PTGFRN: variants seen among roughly 807,000 people sequenced by gnomAD.
PTGFRN encodes prostaglandin F2 receptor inhibitor.
Under a neutral mutation model 83.2 loss-of-function variants are expected in PTGFRN, and 35 were observed. The observed-to-expected ratio is 0.42, with a 90% CI of 0.32 to 0.56. PTGFRN has a LOEUF of 0.56. PTGFRN is among the 20% of genes least tolerant of loss of function. The pLI is 0.11. For synonymous variants in PTGFRN, 519 were observed against 498.6 expected, an observed-to-expected ratio of 1.04 and a Z score of -0.55; for missense variants, 1,051 against 1,179.5, an observed-to-expected ratio of 0.89 and a Z score of 1.60.
At chr1:116,919,340 A>G (rs952493303) in intron 1 of PTGFRN, among the ~76,000 whole-genome samples, 3 of 152,196 alleles carry the variant, frequency 2.0e-5, no homozygotes, top group Non-Finnish European at 4.4e-5. Flanking sequence ...TTTCCTTCCC[A>G]ATAAATTCCT....
intron 1 of PTGFRN, among the ~76,000 whole-genome samples, chr1:116,921,295 G>A (rs1649530704): frequency 1.3e-5 from 2 of 152,322 alleles, no homozygotes; most frequent in East Asian, 3.9e-4. Flanking sequence ...CTGATTTGGT[G>A]TCTGTCCAGT....
At chr1:116,986,214 G>A (rs1343758832) in intron 8 of PTGFRN, among the ~76,000 whole-genome samples, 1 of 152,152 alleles carries the variant, frequency 6.6e-6, no homozygotes, top group African/African-American at 2.4e-5. Flanking sequence ...AAGGAAGGTG[G>A]GATTTCAAGG....
rs985583837 is a variant in PTGFRN, at chr1:116,974,119, G to T, written c.2060-97G>T. On this transcript the variant is annotated intron_variant, in intron 6 of 8. Coordinates refer to ENST00000393203, the MANE Select transcript of PTGFRN (RefSeq NM_020440.4). ...GTGAGTTTCTAGACCAGTTCCCAGG[G>T]AAGAGAACCACATTTTGATGCCCCT... is the stretch of plus-strand genomic sequence containing the variant. The T allele has an allele frequency of 3.2e-6, 3 of 925,012 alleles. No individual in the cohort carries two copies. The African/African-American group carries it at 5.0e-5, about 15-fold the overall frequency. The allele number at this position is 925,012 out of a possible 1,614,324, so 57.3% of individuals were successfully genotyped here. A position where few individuals can be genotyped will look rare whatever the true frequency, so the allele number is the denominator to read the frequency against.
rs1310963879 is a variant in PTGFRN at position 116,923,941 on chromosome 1, GAC to G, written c.49+13699_49+13700del. On this transcript the variant is annotated intron_variant, in intron 1 of 8. Coordinates refer to ENST00000393203, the MANE Select transcript of PTGFRN (RefSeq NM_020440.4). The surrounding 1 kb of genome is among the most constrained non-coding windows in gnomAD (Gnocchi z 4.0). Reference sequence around the variant, plus strand: ...AGCAACCAGTCTAAATGTGGAGGATGACACACACACAGGAAGAGAGGTGGCAT... The same window carrying G: ...AGCAACCAGTCTAAATGTGGAGGATGACACACACAGGAAGAGAGGTGGCAT... 6.6e-6 allele frequency among the ~76,000 whole-genome samples: 1 copy of G among 152,088 alleles called. No homozygotes were observed. The highest frequency in any genetic ancestry group is 2.4e-5 in the African/African-American group (1 of 41,412).
chr1:116,910,509 A>C (rs960513582), intron 1 of PTGFRN, among the ~76,000 whole-genome samples: 1 of 151,596 alleles, frequency 6.6e-6, no homozygotes, highest in African/African-American at 2.4e-5. Flanking sequence ...CGCCCCCAAC[A>C]TGTGCCGGGG....
chr1:116,966,827 G>A, intron 5 of PTGFRN, 84 bp from the exon 6 acceptor site: 2 of 1,408,006 alleles, frequency 1.4e-6, no homozygotes, highest in Admixed American at 2.4e-5. Flanking sequence ...ATACATTTCT[G>A]TTTCTTGGTT....
intron 4 of PTGFRN, among the ~76,000 whole-genome samples, chr1:116,960,251 C>T (rs1205840710): frequency 6.6e-6 from 1 of 152,116 alleles, no homozygotes; most frequent in African/African-American, 2.4e-5. Context: ...ATCACAGTGG[C>T]GTGAGACTGT....
chr1:116,917,693 A>G (rs1037389690), intron 1 of PTGFRN, among the ~76,000 whole-genome samples: 8 of 152,294 alleles, frequency 5.3e-5, no homozygotes, highest in African/African-American at 1.9e-4. Context: ...ACAGTGGTGC[A>G]ATCACGGCTC....
chr1:116,984,422 C>T (rs915926409), intron 7 of PTGFRN, among the ~76,000 whole-genome samples: 1 of 152,142 alleles, frequency 6.6e-6, no homozygotes, highest in African/African-American at 2.4e-5. Context: ...GGCTCTGGAG[C>T]TGTACTCCCT....
chr1:116,953,095 G>A (rs1227445083), intron 4 of PTGFRN, among the ~76,000 whole-genome samples: 1 of 152,216 alleles, frequency 6.6e-6, no homozygotes, highest in Non-Finnish European at 1.5e-5. Flanking sequence ...CCAGACTTCT[G>A]TGGCGTTAAT....
At position 116,970,215 on chromosome 1, in the gene PTGFRN, A is replaced by G. The variant is rs902359822; in HGVS notation, c.2059+2885A>G. Among the ~76,000 whole-genome samples, 17 of 152,068 alleles carry G rather than the reference A, an allele frequency of 1.1e-4. 1 individual carries two copies. The highest frequency in any genetic ancestry group is 5.9e-4 in the Admixed American group (9 of 15,266). ...CGTTCAGTCTCATTCACCTTTAACTATCATGTTCACTGTGGGATTTTCATA... is the reference window on the plus strand; with the variant it reads ...CGTTCAGTCTCATTCACCTTTAACTGTCATGTTCACTGTGGGATTTTCATA... On this transcript the variant is annotated intron_variant, in intron 6 of 8. Transcript: ENST00000393203.
chr1:116,970,947 G>T (rs1334692287), intron 6 of PTGFRN, among the ~76,000 whole-genome samples: 1 of 152,154 alleles, frequency 6.6e-6, no homozygotes, highest in Non-Finnish European at 1.5e-5. Context: ...GAGGAAAATG[G>T]TATTTAAATA....
intron 7 of PTGFRN, among the ~76,000 whole-genome samples, chr1:116,980,794 T>G (rs1651296384): frequency 6.6e-6 from 1 of 152,160 alleles, no homozygotes; most frequent in African/African-American, 2.4e-5. Context: ...ACATGGCACA[T>G]GTATACATAT....
intron 7 of PTGFRN, among the ~76,000 whole-genome samples, chr1:116,980,372 A>T (rs1368976384): frequency 6.6e-6 from 1 of 152,002 alleles, no homozygotes; most frequent in Admixed American, 6.6e-5. Context: ...GGGTCAAAGG[A>T]TTATAAATAA....
intron 7 of PTGFRN, among the ~76,000 whole-genome samples, chr1:116,981,505 G>A (rs1651318102): frequency 6.6e-6 from 1 of 152,212 alleles, no homozygotes; most frequent in African/African-American, 2.4e-5. Context: ...AAGGGCGGTG[G>A]CCTGCAGTGA....
At chr1:116,942,178 G>A in intron 2 of PTGFRN, 95 bp downstream of exon 2, 1 of 1,444,100 alleles carries the variant, frequency 6.9e-7, no homozygotes, top group Non-Finnish European at 9.3e-7. Context: ...ATTTCTCTGA[G>A]GCTCTGCTCC....
rs150223848 is a variant in PTGFRN, at chr1:116,958,977, C to T, written c.1214-2266C>T. Among the ~76,000 whole-genome samples the T allele has an allele frequency of 4.8e-4, 73 of 152,340 alleles. No homozygotes were observed. The Middle Eastern group carries it at 0.017, about 35-fold the overall frequency. On this transcript the variant is annotated intron_variant, in intron 4 of 8. Coordinates refer to ENST00000393203, the MANE Select transcript of PTGFRN (RefSeq NM_020440.4). This position sits in a 1 kb window ranked among gnomAD's most constrained non-coding sequence, Gnocchi z 4.9. Reference sequence around the variant, plus strand: ...ATAGTTGATGCTCAGTGTTCTGGGGCAGTCTTACCCTATGCACAGCTGGTG... The same window carrying T: ...ATAGTTGATGCTCAGTGTTCTGGGGTAGTCTTACCCTATGCACAGCTGGTG...
chr1:116,969,123 T>TG (rs1204084723), intron 6 of PTGFRN, among the ~76,000 whole-genome samples: 2 of 105,786 alleles, frequency 1.9e-5, no homozygotes, highest in African/African-American at 6.7e-5. Context: ...TTTATCTGTT[T>TG]TTTTTTTTTT....
chr1:116,964,541 CT>C (rs773649528), intron 5 of PTGFRN, among the ~76,000 whole-genome samples: 17 of 152,168 alleles, frequency 1.1e-4, no homozygotes, highest in Non-Finnish European at 2.2e-4. Context: ...ACTTGGACTT[CT>C]TTTCTATTTA....
Sources: allele counts gnomAD v4.1 joint callset (sites outside exome capture counted in the v4.1 genomes callset), GRCh38; gene constraint gnomAD v4.1.1; non-coding constraint Gnocchi (gnomAD v3.1); transcripts MANE v1.5; gene names NCBI Gene and HGNC (gene_info 2026-07-23, HGNC 2026-07-21).